The following NEGR1 variants were observed in gnomAD, a reference collection of about 807,000 sequenced individuals.
NEGR1 encodes the protein neuronal growth regulator 1.
In NEGR1, 10 loss-of-function variants were observed where a neutral mutation model predicts 40.9. The ratio of observed to expected loss-of-function variants is 0.24; its 90% CI spans 0.15 to 0.42. NEGR1 has a LOEUF of 0.42. NEGR1 is among the 10% of genes least tolerant of loss of function. The pLI, the probability that NEGR1 is intolerant of heterozygous loss-of-function variation, is 1.00. For missense variants in NEGR1, 352 were observed against 438.9 expected (o/e 0.80, Z 1.77); for synonymous variants, 185 against 166.8 (o/e 1.11, Z -0.84).
intron 1 of NEGR1, among the ~76,000 whole-genome samples, chr1:72,029,065 C>G (rs1180239432): frequency 6.6e-6 from 1 of 152,114 alleles, no homozygotes; most frequent in Non-Finnish European, 1.5e-5. Context: ...GATACCAGAT[C>G]AACCAATTAT....
intron 2 of NEGR1, among the ~76,000 whole-genome samples, chr1:71,846,856 T>C (rs1329024020): frequency 6.6e-6 from 1 of 152,188 alleles, no homozygotes; most frequent in Non-Finnish European, 1.5e-5. Flanking sequence ...ATGAGGGCTC[T>C]ACCCTCATGA....
intron 2 of NEGR1, among the ~76,000 whole-genome samples, chr1:71,807,465 A>G (rs1414788204): frequency 6.6e-6 from 1 of 152,172 alleles, no homozygotes; most frequent in South Asian, 2.1e-4. Context: ...AGAAGTTGCA[A>G]TGGCCAAAAA....
chr1:71,588,574 C>T (rs1649388221), intron 6 of NEGR1, among the ~76,000 whole-genome samples: 1 of 152,086 alleles, frequency 6.6e-6, no homozygotes, highest in African/African-American at 2.4e-5. Context: ...AGAAAACATA[C>T]ATTTTTACCT....
chr1:71,675,607 T>G (rs1652601935), intron 4 of NEGR1, among the ~76,000 whole-genome samples: 1 of 151,810 alleles, frequency 6.6e-6, no homozygotes, highest in African/African-American at 2.4e-5. Context: ...AATCTGTTCT[T>G]GGCATCTGGG....
intron 3 of NEGR1, among the ~76,000 whole-genome samples, chr1:71,752,343 T>A (rs1655598415): frequency 6.6e-6 from 1 of 152,194 alleles, no homozygotes; most frequent in Admixed American, 6.5e-5. Flanking sequence ...TGGGTGTGAT[T>A]ATGTTCTAAT....
In NEGR1 at chr1:71,928,359, T is replaced by G. The variant is rs62648116; in HGVS notation, c.409+6720A>C. ...ATATATACACACATGTGTATATATA[T>G]ATACACATATGTATATATGTATATA... On this transcript the variant is annotated intron_variant, in intron 2 of 6. Coordinates refer to ENST00000357731, the MANE Select transcript of NEGR1 (RefSeq NM_173808.3). Among the ~76,000 whole-genome samples, 16 of 93,412 alleles carry G rather than the reference T, an allele frequency of 1.7e-4. 2 individuals are homozygous for G. Among genetic ancestry groups the G allele is most frequent in the Non-Finnish European group, 3.0e-4 (14 of 46,618 alleles). The allele number at this position is 93,412 out of a possible 152,430, so 61.3% of individuals were successfully genotyped here.
At chr1:71,474,045 T>C (rs114466415) in intron 6 of NEGR1, among the ~76,000 whole-genome samples, 1,738 of 152,146 alleles carry the variant, frequency 0.011, 32 homozygotes, top group African/African-American at 0.04. Context: ...GCTCTTTGAC[T>C]GTTCAACCCA....
At chr1:71,558,407 A>G (rs1648325109) in intron 6 of NEGR1, among the ~76,000 whole-genome samples, 1 of 151,594 alleles carries the variant, frequency 6.6e-6, no homozygotes, top group Admixed American at 6.6e-5. Flanking sequence ...ACGTCAGCAA[A>G]TGTCACCTGC....
intron 6 of NEGR1, among the ~76,000 whole-genome samples, chr1:71,439,994 ATAATTT>A (rs1646536458): frequency 6.6e-6 from 1 of 152,118 alleles, no homozygotes; most frequent in South Asian, 2.1e-4. Context: ...TACTTCCTGC[ATAATTT>A]TATTGTTTTA....
rs1200614671 is a variant in NEGR1, at chr1:71,955,970, TG to T, written c.177-20660del. Among the ~76,000 whole-genome samples, 3 of 151,900 alleles carry T rather than the reference TG, an allele frequency of 2.0e-5. No homozygotes were observed. The East Asian group carries it at 5.8e-4, about 29-fold the overall frequency. On this transcript the variant is annotated intron_variant, in intron 1 of 6. Transcript: ENST00000357731. ...ATTTGCTTTGTTTTAAAAATGAAGA[TG>T]TTTTGAAGACATCATTAATATGGAT...
chr1:71,931,989 GA>G lies in NEGR1; in HGVS notation c.409+3089del, dbSNP rs976184260. 4.6e-5 allele frequency among the ~76,000 whole-genome samples: 7 copies of G among 152,078 alleles called. No individual in the cohort carries two copies. In the East Asian group the frequency reaches 5.8e-4, roughly 13 times the overall value. ...CAAAACCATGTTATATATAGGTAAT[GA>G]AAAAAATTATTTTATTATTAAGTCT... On this transcript the variant is annotated intron_variant, in intron 2 of 6. Coordinates refer to ENST00000357731, the MANE Select transcript of NEGR1 (RefSeq NM_173808.3).
chr1:71,726,599 C>A (rs1011841387), intron 3 of NEGR1, among the ~76,000 whole-genome samples: 2 of 151,952 alleles, frequency 1.3e-5, no homozygotes, highest in Non-Finnish European at 2.9e-5. Context: ...AAAGATAGAT[C>A]CCACATCACC....
intron 4 of NEGR1, among the ~76,000 whole-genome samples, chr1:71,652,636 C>T (rs972108351): frequency 7.2e-5 from 11 of 152,060 alleles, no homozygotes; most frequent in African/African-American, 2.7e-4. Flanking sequence ...GAGACTGAGG[C>T]CGGTGGATCG....
At chr1:71,552,067 C>T (rs1400486719) in intron 6 of NEGR1, among the ~76,000 whole-genome samples, 1 of 151,348 alleles carries the variant, frequency 6.6e-6, no homozygotes, top group Non-Finnish European at 1.5e-5. Context: ...CCTTTTTGCC[C>T]CTGCAGCACC....
intron 6 of NEGR1, among the ~76,000 whole-genome samples, chr1:71,580,907 C>G (rs74088190): frequency 0.036 from 5,461 of 152,084 alleles, 232 homozygotes; most frequent in East Asian, 0.094. Flanking sequence ...CTAAAGCTGG[C>G]TTATACTAGC....
At chr1:71,457,388 C>T (rs1646680299) in intron 6 of NEGR1, among the ~76,000 whole-genome samples, 1 of 152,238 alleles carries the variant, frequency 6.6e-6, no homozygotes, top group Non-Finnish European at 1.5e-5. Flanking sequence ...TCAGCTCTGT[C>T]CTACATGAAC....
At chr1:71,607,995 A>G (rs1033049415) in intron 5 of NEGR1, among the ~76,000 whole-genome samples, 3 of 152,182 alleles carry the variant, frequency 2.0e-5, no homozygotes, top group South Asian at 2.1e-4. Context: ...CTAGCTTTTG[A>G]TTTTGATGAA....
chr1:71,789,201 C>A (rs1657023094), intron 2 of NEGR1, among the ~76,000 whole-genome samples: 1 of 152,110 alleles, frequency 6.6e-6, no homozygotes, highest in Admixed American at 6.6e-5. Flanking sequence ...AACTACTTAG[C>A]TAGTCACACC....
chr1:71,825,638 G>A (rs1351196195), intron 2 of NEGR1, among the ~76,000 whole-genome samples: 1 of 151,780 alleles, frequency 6.6e-6, no homozygotes, highest in African/African-American at 2.4e-5. Flanking sequence ...GCAAGGTGTG[G>A]AATCTCTCTA....
Sources: gnomAD v4.1 joint callset for allele counts (sites outside exome capture counted in the v4.1 genomes callset) on GRCh38, gnomAD v4.1.1 for gene constraint, MANE v1.5 for transcripts, NCBI Gene and HGNC (gene_info 2026-07-23, HGNC 2026-07-21) for gene names.